The following FAM222A variants were observed in gnomAD, a reference collection of about 807,000 sequenced individuals.
The protein encoded by FAM222A is protein FAM222A.
In FAM222A, 7 loss-of-function variants were observed where a neutral mutation model predicts 25.8. The observed-to-expected ratio is 0.27, with a 90% CI of 0.15 to 0.51. The LOEUF is 0.51. Among genes scored for constraint, FAM222A ranks in the 20% least tolerant of loss-of-function variants. FAM222A has a pLI of 0.97. For synonymous variants in FAM222A, 294 were observed against 298.8 expected, an observed-to-expected ratio of 0.98 and a Z score of 0.17; for missense variants, 573 against 640.5, an observed-to-expected ratio of 0.89 and a Z score of 1.14.
Position 109,769,464 on chromosome 12 carries a change from C to T in FAM222A, c.*176C>T. 1.3e-6 allele frequency: 1 copy of T among 756,682 alleles called. No homozygotes were observed. The highest frequency in any genetic ancestry group is 2.1e-6 in the Non-Finnish European group (1 of 480,492). The allele number at this position is 756,682 out of a possible 1,614,324, so 46.9% of individuals were successfully genotyped here. A position where few individuals can be genotyped will look rare whatever the true frequency, so the allele number is the denominator to read the frequency against. On this transcript the variant is annotated 3_prime_UTR_variant, in exon 3 of 3. Coordinates refer to ENST00000538780, the MANE Select transcript of FAM222A (RefSeq NM_032829.3). ...GGCCGGATGGAGGGTGGCAGGGCAA[C>T]CTCACATACCAAGGCCCCTCCCCAC...
chr12:109,770,158 G>A lies in FAM222A; in HGVS notation c.*870G>A, dbSNP rs1349402442. The stretch of plus-strand genomic sequence containing the variant: ...GCCTGCAATCTTAGATCCCATCCTT[G>A]CCTTCTTCGAGGGATCTCTTGGGAC... On this transcript the variant is annotated 3_prime_UTR_variant, in exon 3 of 3. Transcript: ENST00000538780. The A allele has an allele frequency of 6.6e-6, 1 of 152,450 alleles. No individual in the cohort carries two copies. Among genetic ancestry groups the A allele is most frequent in the Non-Finnish European group, 1.5e-5 (1 of 68,046 alleles). 9.4% of individuals were successfully genotyped at this position (152,450 alleles called of 1,614,324 possible). A position where few individuals can be genotyped will look rare whatever the true frequency, so the allele number is the denominator to read the frequency against.
intron 2 of FAM222A, among the ~76,000 whole-genome samples, chr12:109,760,479 C>T (rs1440321855): frequency 1.3e-5 from 2 of 152,180 alleles, no homozygotes; most frequent in East Asian, 1.9e-4. Flanking sequence ...CTCACAAATC[C>T]TCTCTTGGCC....
chr12:109,753,872 T>C (rs1463990285), intron 2 of FAM222A, among the ~76,000 whole-genome samples: 3 of 152,150 alleles, frequency 2.0e-5, no homozygotes, highest in Admixed American at 6.5e-5. Flanking sequence ...AAAATAAATC[T>C]AGGGCCGCAC....
At position 109,714,242 on chromosome 12, in the gene FAM222A, T is replaced by C. The variant is rs1264213300; in HGVS notation, c.-702T>C. The C allele has an allele frequency of 6.9e-5, 14 of 204,176 alleles. No individual in the cohort carries two copies. The highest frequency in any genetic ancestry group is 2.4e-4 in the Admixed American group (4 of 16,814). 12.6% of individuals were successfully genotyped at this position (204,176 alleles called of 1,614,324 possible). A position where few individuals can be genotyped will look rare whatever the true frequency, so the allele number is the denominator to read the frequency against. On this transcript the variant is annotated 5_prime_UTR_variant, in exon 1 of 3. Transcript: ENST00000538780. The surrounding 1 kb of genome is among the most constrained non-coding windows in gnomAD (Gnocchi z 4.2). ...GCTGCCGCCGCCGCTGTTCGCCGGC[T>C]TCCCCTCCCCCCACACCCGGGGCTC... is the stretch of plus-strand genomic sequence containing the variant.
At chr12:109,735,254 G>T (rs1178457140) in intron 1 of FAM222A, among the ~76,000 whole-genome samples, 1 of 152,130 alleles carries the variant, frequency 6.6e-6, no homozygotes, top group Non-Finnish European at 1.5e-5. Context: ...ACCCTGTCTG[G>T]CCCAGGCCAA....
Position 109,748,309 on chromosome 12 carries a change from A to G in FAM222A, c.82+4081A>G, listed in dbSNP as rs1415129957. On this transcript the variant is annotated intron_variant, in intron 2 of 2. Coordinates refer to ENST00000538780, the MANE Select transcript of FAM222A (RefSeq NM_032829.3). ...TAGGATTTTTGCCTCAGTCTCGTCA[A>G]AGAGATTGTTCTTTGGTTTTCTTTC... Among the ~76,000 whole-genome samples, 4 of 149,258 alleles carry G rather than the reference A, an allele frequency of 2.7e-5. No homozygotes were observed. The East Asian group carries it at 7.8e-4, about 29-fold the overall frequency.
chr12:109,767,426 G>T (rs996855092), intron 2 of FAM222A, among the ~76,000 whole-genome samples: 3 of 152,182 alleles, frequency 2.0e-5, no homozygotes, highest in African/African-American at 7.2e-5. Context: ...AGCCTAGGAG[G>T]TCGAGGCTGT....
chr12:109,722,542 G>T (rs973071519), intron 1 of FAM222A: 3 of 152,260 alleles, frequency 2.0e-5, no homozygotes, highest in Admixed American at 2.0e-4. Flanking sequence ...GGGCCCAGCT[G>T]CAAGGAGGGG....
intron 1 of FAM222A, chr12:109,720,132 C>G: frequency 2.0e-6 from 2 of 985,444 alleles, no homozygotes; most frequent in Non-Finnish European, 2.4e-6. Flanking sequence ...GAATACAGGC[C>G]TGGGCCAGTC....
intron 1 of FAM222A, among the ~76,000 whole-genome samples, chr12:109,735,308 G>A (rs536217982): frequency 2.0e-5 from 3 of 152,266 alleles, no homozygotes; most frequent in Admixed American, 6.5e-5. Context: ...AACCAACCCC[G>A]TGGTCCTGGA....
At chr12:109,755,113 TC>T (rs1253175892) in intron 2 of FAM222A, among the ~76,000 whole-genome samples, 3 of 152,190 alleles carry the variant, frequency 2.0e-5, no homozygotes, top group Admixed American at 1.3e-4. Flanking sequence ...CTTTGTGGTA[TC>T]CTTTGAAGCA....
intron 2 of FAM222A, among the ~76,000 whole-genome samples, chr12:109,765,096 C>T (rs1889005239): frequency 1.3e-5 from 2 of 152,246 alleles, no homozygotes; most frequent in South Asian, 2.1e-4. Flanking sequence ...AATAAGCCCA[C>T]TGAAGCTCAT....
chr12:109,760,400 C>T (rs914886035), intron 2 of FAM222A, among the ~76,000 whole-genome samples: 5 of 152,172 alleles, frequency 3.3e-5, no homozygotes, highest in South Asian at 4.1e-4. Context: ...GCCCGAGCCA[C>T]AGTACCAACG....
chr12:109,742,989 C>A (rs1292335478), intron 1 of FAM222A, among the ~76,000 whole-genome samples: 1 of 152,162 alleles, frequency 6.6e-6, no homozygotes, highest in East Asian at 1.9e-4. Flanking sequence ...TTCAACACCC[C>A]CTCTGCTTTC....
intron 1 of FAM222A, among the ~76,000 whole-genome samples, chr12:109,728,973 T>TA (rs57626981): frequency 0.12 from 17,097 of 147,422 alleles, 1,019 homozygotes; most frequent in Middle Eastern, 0.19. Context: ...GGGTTACAGG[T>TA]AAAAAAAAAA....
chr12:109,729,353 G>T (rs980062044), intron 1 of FAM222A, among the ~76,000 whole-genome samples: 9 of 152,198 alleles, frequency 5.9e-5, no homozygotes, highest in African/African-American at 2.2e-4. Context: ...TGGGTGAGGG[G>T]CATGCTGGGG....
intron 1 of FAM222A, chr12:109,722,605 A>ACGGGCAGGAGAAGGGGC (rs1382390906): frequency 1.5e-4 from 23 of 152,332 alleles, no homozygotes; most frequent in African/African-American, 5.3e-4. Flanking sequence ...CCTGGCAGTG[A>ACGGGCAGGAGAAGGGGC]CGGGCAGGAG....
At chr12:109,724,943 G>C (rs1990768) in intron 1 of FAM222A, among the ~76,000 whole-genome samples, 142,808 of 152,180 alleles carry the variant, frequency 0.94, 67,145 homozygotes, top group East Asian at 1. Context: ...AGGATTTTTA[G>C]TCCCTTTCTT....
chr12:109,759,969 G>A (rs1435404938), intron 2 of FAM222A, among the ~76,000 whole-genome samples: 1 of 152,188 alleles, frequency 6.6e-6, no homozygotes, highest in South Asian at 2.1e-4. Flanking sequence ...GGGGTCCTAC[G>A]AGGGCACGTC....
Sources: allele counts gnomAD v4.1 joint callset (sites outside exome capture counted in the v4.1 genomes callset), GRCh38; gene constraint gnomAD v4.1.1; non-coding constraint Gnocchi (gnomAD v3.1); transcripts MANE v1.5; gene names NCBI Gene and HGNC (gene_info 2026-07-23, HGNC 2026-07-21).